The following LRRC20 variants were observed in gnomAD, a reference collection of about 807,000 sequenced individuals.
The protein encoded by LRRC20 is leucine rich repeat containing 20.
In LRRC20, 11 loss-of-function variants were observed where a neutral mutation model predicts 14.4. The ratio of observed to expected loss-of-function variants is 0.77; its 90% confidence interval spans 0.48 to 1.27. LRRC20 has a LOEUF of 1.27. LRRC20 is among the 50% of genes most tolerant of loss of function. The probability of loss-of-function intolerance (pLI) is 0.00; values close to 1 mark genes in which losing one functional copy is unlikely to be tolerated. For synonymous variants in LRRC20, 121 were observed against 107.3 expected (o/e 1.13, Z -0.79); for missense variants, 219 against 251.2 (o/e 0.87, Z 0.87).
At chr10:70,329,545 G>GTGATTCTTCT (rs1398277165) in intron 3 of LRRC20, among the ~76,000 whole-genome samples, 1 of 146,894 alleles carries the variant, frequency 6.8e-6, no homozygotes, top group Non-Finnish European at 1.5e-5. Flanking sequence ...ATATGATTGT[G>GTGATTCTTCT]TGATTCTTCT....
At chr10:70,304,858 G>A (rs1436479209) in intron 4 of LRRC20, among the ~76,000 whole-genome samples, 2 of 152,084 alleles carry the variant, frequency 1.3e-5, no homozygotes, top group Non-Finnish European at 2.9e-5. Context: ...ATTATGGCAC[G>A]TGGCATTGAT....
chr10:70,340,970 C>T (rs1025161232), intron 2 of LRRC20, among the ~76,000 whole-genome samples: 7 of 152,200 alleles, frequency 4.6e-5, no homozygotes, highest in Non-Finnish European at 7.3e-5. Flanking sequence ...TAGCCAGAAT[C>T]GTGTCTGCCG....
chr10:70,337,391 G>A (rs931295018), intron 3 of LRRC20, among the ~76,000 whole-genome samples: 4 of 152,192 alleles, frequency 2.6e-5, no homozygotes, highest in Non-Finnish European at 5.9e-5. Flanking sequence ...CCCTCAATCC[G>A]CTGCCTCTGT....
rs368607064 is a variant in LRRC20, at chr10:70,340,752, G to A, written c.83-50C>T. ...CCAGAGTTATCAGCCACAGCTGCCC[G>A]AGAACTTGTCCCAGACTCACACAGA... On this transcript the variant is annotated intron_variant, in intron 2 of 4. Coordinates refer to ENST00000446961, the MANE Select transcript of LRRC20 (RefSeq NM_001278212.2). The A allele has an allele frequency of 1.1e-5, 17 of 1,601,010 alleles. No homozygotes were observed. The African/African-American group carries it at 1.5e-4, about 14-fold the overall frequency.
chr10:70,324,582 A>C (rs538513912), intron 3 of LRRC20, among the ~76,000 whole-genome samples: 1 of 152,352 alleles, frequency 6.6e-6, no homozygotes, highest in African/African-American at 2.4e-5. Context: ...AAAGCTGGCC[A>C]GCGACCTGTG....
intron 2 of LRRC20, among the ~76,000 whole-genome samples, chr10:70,352,941 C>T (rs1238792718): frequency 6.6e-6 from 1 of 152,104 alleles, no homozygotes; most frequent in East Asian, 1.9e-4. Flanking sequence ...AACCACAGAA[C>T]ATTATAAACT....
chr10:70,325,628 G>A (rs1274643049), intron 3 of LRRC20, among the ~76,000 whole-genome samples: 1 of 152,196 alleles, frequency 6.6e-6, no homozygotes, highest in Non-Finnish European at 1.5e-5. Flanking sequence ...GAGGGTGGTG[G>A]ACTCTTAGGC....
intron 4 of LRRC20, among the ~76,000 whole-genome samples, chr10:70,323,256 G>A (rs1842165069): frequency 6.6e-6 from 1 of 152,086 alleles, no homozygotes; most frequent in Non-Finnish European, 1.5e-5. Flanking sequence ...GATGAGACAG[G>A]AGACACATAA....
Position 70,372,742 on chromosome 10 carries a change from G to A in LRRC20, c.82+3710C>T, listed in dbSNP as rs117906139. ...AAGGTGTGAGCCACTGCGCCCGGCC[G>A]AGAATGTGCCAGTCTTTATTTAATC... On this transcript the variant is annotated intron_variant, in intron 2 of 4. Transcript: ENST00000446961. Among the ~76,000 whole-genome samples the A allele has an allele frequency of 7.8e-3, 1,185 of 151,968 alleles. 13 individuals carry two copies. Among genetic ancestry groups the A allele is most frequent in the Middle Eastern group, 0.017 (5 of 294 alleles).
intron 2 of LRRC20, among the ~76,000 whole-genome samples, chr10:70,342,491 T>C (rs905085210): frequency 4.6e-5 from 7 of 152,140 alleles, no homozygotes; most frequent in Admixed American, 2.0e-4. Flanking sequence ...CAGCAGCAGA[T>C]AGACCCTAAA....
intron 1 of LRRC20, among the ~76,000 whole-genome samples, chr10:70,379,995 G>A (rs544966338): frequency 6.6e-6 from 1 of 152,316 alleles, no homozygotes; most frequent in East Asian, 1.9e-4. Context: ...CTGACAGGAC[G>A]CAGAGTTCAG....
intron 2 of LRRC20, among the ~76,000 whole-genome samples, chr10:70,360,388 TCTCC>T (rs1843678948): frequency 6.7e-6 from 1 of 149,114 alleles, no homozygotes; most frequent in Admixed American, 6.7e-5. Context: ...CTCCTCCCCA[TCTCC>T]CTCCTCCTCC....
intron 2 of LRRC20, among the ~76,000 whole-genome samples, chr10:70,373,526 T>A (rs1157338700): frequency 1.3e-5 from 2 of 152,194 alleles, no homozygotes; most frequent in African/African-American, 4.8e-5. Flanking sequence ...GTCAGCTCCA[T>A]TTCCTAAGGG....
intron 2 of LRRC20, among the ~76,000 whole-genome samples, chr10:70,351,449 G>A (rs1465761378): frequency 6.6e-6 from 1 of 152,132 alleles, no homozygotes; most frequent in Admixed American, 6.5e-5. Flanking sequence ...TCCTTCCATA[G>A]AATGAGTTTA....
At chr10:70,363,632 C>T (rs1843841073) in intron 2 of LRRC20, among the ~76,000 whole-genome samples, 1 of 152,176 alleles carries the variant, frequency 6.6e-6, no homozygotes, top group South Asian at 2.1e-4. Context: ...AATTATCCAG[C>T]TCAAAAACCA....
intron 2 of LRRC20, among the ~76,000 whole-genome samples, chr10:70,349,962 G>C (rs1843232939): frequency 6.6e-6 from 1 of 152,174 alleles, no homozygotes; most frequent in Non-Finnish European, 1.5e-5. Flanking sequence ...AGACAAAAAG[G>C]AGAGAGGGAA....
At chr10:70,320,832 C>T (rs1564617796) in intron 4 of LRRC20, among the ~76,000 whole-genome samples, 1 of 152,238 alleles carries the variant, frequency 6.6e-6, no homozygotes, top group Non-Finnish European at 1.5e-5. Flanking sequence ...ATCCTTGTCC[C>T]TCTCAGCCTC....
At chr10:70,325,616 C>G (rs1025458546) in intron 3 of LRRC20, among the ~76,000 whole-genome samples, 1 of 152,222 alleles carries the variant, frequency 6.6e-6, no homozygotes, top group Non-Finnish European at 1.5e-5. Flanking sequence ...CCTGCCAAGG[C>G]TGAGGGTGGT....
At chr10:70,373,667 A>G (rs1334028913) in intron 2 of LRRC20, among the ~76,000 whole-genome samples, 1 of 152,222 alleles carries the variant, frequency 6.6e-6, no homozygotes, top group East Asian at 1.9e-4. Context: ...GAAAGTCTTG[A>G]GCTTCAGGCA....
Sources: allele counts gnomAD v4.1 joint callset (sites outside exome capture counted in the v4.1 genomes callset), GRCh38; gene constraint gnomAD v4.1.1; transcripts MANE v1.5; gene names NCBI Gene and HGNC (gene_info 2026-07-23, HGNC 2026-07-21).